The following RASAL3 variants were observed in gnomAD, a reference collection of about 807,000 sequenced individuals.
The protein encoded by RASAL3 is RAS protein activator like-3.
RASAL3 carries 74 observed loss-of-function variants against 105.5 expected under a neutral mutation model. The ratio of observed to expected loss-of-function variants is 0.70; its 90% confidence interval spans 0.58 to 0.85. The LOEUF is 0.85. Among genes scored for constraint, RASAL3 ranks in the 40% least tolerant of loss-of-function variants. The pLI is 0.00. For synonymous variants in RASAL3, 579 were observed against 591.6 expected, an observed-to-expected ratio of 0.98 and a Z score of 0.31; for missense variants, 1,352 against 1,392.0, an observed-to-expected ratio of 0.97 and a Z score of 0.46.
chr19:15,458,821 A>T (rs899817735), intron 6 of RASAL3, among the ~76,000 whole-genome samples, 166 bp from the exon 7 acceptor site: 16 of 127,420 alleles, frequency 1.3e-4, no homozygotes, highest in Non-Finnish European at 1.1e-4. Context: ...TTTAGGATAA[A>T]CTCAACTCCT....
Position 15,461,289 on chromosome 19 carries a change from C to G in RASAL3, c.473G>C (p.Arg158Pro), listed in dbSNP as rs750343840. The G allele has an allele frequency of 6.2e-7, 1 of 1,613,206 alleles. No homozygotes were observed. The highest frequency in any genetic ancestry group is 1.7e-5 in the Admixed American group (1 of 59,930). The change falls in exon 4 of 18, where the codon CGA (arginine) becomes CCA (proline). Residue 158 changes from arginine to proline, a missense_variant. This residue lies in a region of RASAL3 where 344 missense variants were observed against 339.6 expected (regional missense o/e 1.01). Coordinates refer to ENST00000343625, the MANE Select transcript of RASAL3 (RefSeq NM_022904.3). ...VLLGGEEEGP[R>P]RPRVGSASSE... The stretch of plus-strand genomic sequence containing the variant: ...GCTAGCACTTCCCACCCGGGGCCTT[C>G]GAGGACCCTGTTCTCCCGCAGGAGT...
chr19:15,457,887 A>G lies in RASAL3; in HGVS notation c.889-53T>C. On this transcript the variant is annotated intron_variant, in intron 8 of 17. Coordinates refer to ENST00000343625, the MANE Select transcript of RASAL3 (RefSeq NM_022904.3). This position sits in a 1 kb window ranked among gnomAD's most constrained non-coding sequence, Gnocchi z 8.6. ...GCGTTTTGGTTTGTTGGCACCCCAA[A>G]GAAGGCACCGCAAGTGAAGCGTGGA... 6.5e-7 allele frequency: 1 copy of G among 1,536,322 alleles called. No individual in the cohort carries two copies. Among genetic ancestry groups the G allele is most frequent in the Non-Finnish European group, 8.8e-7 (1 of 1,138,986 alleles).
At chr19:15,462,867 C>T (rs375151394) in intron 2 of RASAL3, among the ~76,000 whole-genome samples, 3 of 151,484 alleles carry the variant, frequency 2.0e-5, no homozygotes, top group Non-Finnish European at 2.9e-5. Context: ...AGGAGAATGG[C>T]GTGAACCCAG....
rs1297580475 is a variant in RASAL3 at position 15,456,508 on chromosome 19, T to G, written c.1570A>C (p.Thr524Pro). The change falls in exon 10 of 18, where the codon ACC becomes CCC. Residue 524 changes from threonine to proline, a missense_variant. By Grantham distance (38) the Thr-to-Pro change is conservative. Coordinates refer to ENST00000343625, the MANE Select transcript of RASAL3 (RefSeq NM_022904.3). The surrounding 1 kb of genome is among the most constrained non-coding windows in gnomAD (Gnocchi z 4.4). Reference sequence around the variant, plus strand: ...GGACTCTCCCCCAGCTCACCCAGGGTCTCCTGGAGGTAATCCTGTGCCACG... The same window carrying G: ...GGACTCTCCCCCAGCTCACCCAGGGGCTCCTGGAGGTAATCCTGTGCCACG... ...KLVAQDYLQE[T>P]LGQVVRRLCA... is the part of the protein sequence containing the mutation. 6.2e-7 allele frequency: 1 copy of G among 1,613,594 alleles called. No homozygotes were observed. The highest frequency in any genetic ancestry group is 8.5e-7 in the Non-Finnish European group (1 of 1,179,756).
chr19:15,451,961 G>A (rs753924534), intron 17 of RASAL3, 23 bp from the exon 18 acceptor site: 2 of 1,612,066 alleles, frequency 1.2e-6, no homozygotes, highest in South Asian at 1.1e-5. Flanking sequence ...TGGTGATGGG[G>A]TTCAGAAACC....
chr19:15,458,809 C>T (rs1433502987), intron 6 of RASAL3, among the ~76,000 whole-genome samples, 154 bp from the exon 7 acceptor site: 1 of 145,378 alleles, frequency 6.9e-6, no homozygotes, highest in Non-Finnish European at 1.5e-5. Context: ...CACCTCCTTG[C>T]TTTTAGGATA....
rs2145450206 is a variant in RASAL3 at position 15,453,155 on chromosome 19, C to A, written c.2622G>T (p.Gln874His). ...CCAGTGCCTGGTTTCGGTCTTGCGG[C>A]TGGTCCATTTGGCGCTGCCAGGGTA... ...PSVPWQRQMD[Q>H]PQDRNQALGT... is the part of the protein sequence containing the mutation. The change falls in exon 15 of 18, where the codon CAG becomes CAT. Residue 874 changes from glutamine to histidine, a missense_variant. Transcript: ENST00000343625. The surrounding 1 kb of genome is among the most constrained non-coding windows in gnomAD (Gnocchi z 4.2). 2 of 1,613,644 alleles carry A rather than the reference C, an allele frequency of 1.2e-6. No individual in the cohort carries two copies. Among genetic ancestry groups the A allele is most frequent in the East Asian group, 4.5e-5 (2 of 44,872 alleles).
In RASAL3 at chr19:15,456,833, C is replaced by G; in HGVS notation, c.1432-187G>C. ...CTAACCCTCACAGCAGAAATTTAAG[C>G]CTTTCAGCGCTGAGGTGCAACCTGG... On this transcript the variant is annotated intron_variant, in intron 9 of 17. Transcript: ENST00000343625. This position sits in a 1 kb window ranked among gnomAD's most constrained non-coding sequence, Gnocchi z 4.4. The G allele has an allele frequency of 1.4e-6, 1 of 716,290 alleles. No individual in the cohort carries two copies. The highest frequency in any genetic ancestry group is 2.3e-6 in the Non-Finnish European group (1 of 443,026). 44.4% of individuals were successfully genotyped at this position (716,290 alleles called of 1,614,324 possible).
In RASAL3 at chr19:15,457,531, C is replaced by G. The variant is rs1970363776; in HGVS notation, c.1192G>C (p.Ala398Pro). The G allele has an allele frequency of 2.5e-5, 28 of 1,129,316 alleles. No homozygotes were observed. Among genetic ancestry groups the G allele is most frequent in the Non-Finnish European group, 2.7e-5 (25 of 920,712 alleles). 70.0% of individuals were successfully genotyped at this position (1,129,316 alleles called of 1,614,324 possible). A position where few individuals can be genotyped will look rare whatever the true frequency, so the allele number is the denominator to read the frequency against. The change falls in exon 9 of 18, where the codon GCC becomes CCC. Residue 398 changes from alanine to proline, a missense_variant. Transcript: ENST00000343625. The surrounding 1 kb of genome is among the most constrained non-coding windows in gnomAD (Gnocchi z 8.6). The part of the protein sequence containing the change: ...EELDAPRAPA[A>P]GLERWFPLLG... Reference sequence around the variant, plus strand: ...AGCGGGAACCAGCGCTCCAGACCGGCGGCAGGCGCGCGTGGGGCGTCCAGC... The same window carrying G: ...AGCGGGAACCAGCGCTCCAGACCGGGGGCAGGCGCGCGTGGGGCGTCCAGC...
At chr19:15,458,780 C>T (rs1402998653) in intron 6 of RASAL3, 125 bp from the exon 7 acceptor site, 3 of 1,080,672 alleles carry the variant, frequency 2.8e-6, no homozygotes, top group African/African-American at 2.1e-5. Flanking sequence ...CCCCGTGCCC[C>T]CCCCACCCCC....
chr19:15,457,209 A>G lies in RASAL3; in HGVS notation c.1431+83T>C. ...GTCTCCCCCATTACAGGTGCAACTC[A>G]GGTCCTGCGCCCCAACTCCTGCCCG... On this transcript the variant is annotated intron_variant, in intron 9 of 17. Transcript: ENST00000343625. The surrounding 1 kb of genome is among the most constrained non-coding windows in gnomAD (Gnocchi z 8.6). The G allele has an allele frequency of 8.9e-7, 1 of 1,126,840 alleles. No individual in the cohort carries two copies. Among genetic ancestry groups the G allele is most frequent in the Non-Finnish European group, 1.1e-6 (1 of 889,152 alleles). The allele number at this position is 1,126,840 out of a possible 1,614,324, so 69.8% of individuals were successfully genotyped here.
Position 15,463,960 on chromosome 19 carries a change from C to T in RASAL3, c.328+71G>A, listed in dbSNP as rs1970589160. The stretch of plus-strand genomic sequence containing the variant: ...TTCCTGTGTCTGTATGGTTGATGCT[C>T]CGGAGGCAGACAAAACCCAAGCATC... On this transcript the variant is annotated intron_variant, in intron 2 of 17. Transcript: ENST00000343625. 2.2e-5 allele frequency: 30 copies of T among 1,382,514 alleles called. No individual in the cohort carries two copies. The South Asian group carries it at 3.9e-4, about 18-fold the overall frequency. The allele number at this position is 1,382,514 out of a possible 1,614,324, so 85.6% of individuals were successfully genotyped here. A position where few individuals can be genotyped will look rare whatever the true frequency, so the allele number is the denominator to read the frequency against.
At position 15,456,581 on chromosome 19, in the gene RASAL3, G is replaced by T; in HGVS notation, c.1497C>A (p.Phe499Leu). Residue 499 changes from phenylalanine (F) to leucine (L), a missense_variant, in exon 10 of 18, where the codon TTC (phenylalanine) becomes TTA (leucine). Around this residue, in one of 3 missense-constraint regions of RASAL3, gnomAD observed 920 missense variants for 919.6 expected, o/e 1.00. Transcript: ENST00000343625. The surrounding 1 kb of genome is among the most constrained non-coding windows in gnomAD (Gnocchi z 4.4). ...ARCGGREALL[F>L]RENTLATKAI... The stretch of plus-strand genomic sequence containing the variant: ...CCTTGGTGGCCAATGTGTTTTCCCG[G>T]AACAGCAGCGCCTCACGGCCTCCAC... The T allele has an allele frequency of 6.2e-7, 1 of 1,613,698 alleles. No homozygotes were observed. Among genetic ancestry groups the T allele is most frequent in the Non-Finnish European group, 8.5e-7 (1 of 1,179,790 alleles).
In RASAL3 at chr19:15,454,260, C is replaced by T. The variant is rs201283291; in HGVS notation, c.2168G>A (p.Arg723Gln). Residue 723 changes from arginine (R) to glutamine (Q), a missense_variant, in exon 14 of 18, where the codon CGA becomes CAA. Physicochemically the swap from Arg to Gln is conservative, Grantham distance 43. This residue lies in a region of RASAL3 where 920 missense variants were observed against 919.6 expected (regional missense o/e 1.00). Transcript: ENST00000343625. The part of the protein sequence containing the change: ...TIFAELDQTT[R>Q]DTLEPLPTIL... ...GGTGGGCAGTGGTTCCAGGGTGTCT[C>T]GGGTTGTCTGGTGAGGCATGCAGGA... 1.3e-5 allele frequency: 21 copies of T among 1,564,326 alleles called. No homozygotes were observed. The highest frequency in any genetic ancestry group is 1.7e-4 in the Middle Eastern group (1 of 6,002).
In RASAL3 at chr19:15,464,059, T is replaced by C. The variant is rs759115208; in HGVS notation, c.300A>G (p.Pro100=). ...WGRHKNPPPE[P]DPEPEQEAPE... ...GGGCCTCCTGCTCCGGCTCCGGGTC[T>C]GGCTCCGGCGGTGGGTTCTTATGCC... Residue 100 remains proline, a synonymous_variant, in exon 2 of 18, where the codon CCA becomes CCG. Coordinates refer to ENST00000343625, the MANE Select transcript of RASAL3 (RefSeq NM_022904.3). 7.6e-6 allele frequency: 12 copies of C among 1,581,364 alleles called. No homozygotes were observed. The South Asian group carries it at 1.2e-4, about 16-fold the overall frequency.
In RASAL3 at chr19:15,453,436, G is replaced by A; in HGVS notation, c.2341C>T (p.Leu781Phe). Residue 781 changes from leucine to phenylalanine, a missense_variant, in exon 15 of 18, where the codon CTC becomes TTC. This residue lies in a region of RASAL3 where 920 missense variants were observed against 919.6 expected (regional missense o/e 1.00). Coordinates refer to ENST00000343625, the MANE Select transcript of RASAL3 (RefSeq NM_022904.3). The surrounding 1 kb of genome is among the most constrained non-coding windows in gnomAD (Gnocchi z 4.2). The part of the protein sequence containing the change: ...APRDLPKHTP[L>F]ISKSQSLRSV... Reference sequence around the variant, plus strand: ...CGCAGAGACTGGCTCTTGGAGATGAGAGGGGTGTGCTTGGGGAGGTCCCGG... The same window carrying A: ...CGCAGAGACTGGCTCTTGGAGATGAAAGGGGTGTGCTTGGGGAGGTCCCGG... The A allele has an allele frequency of 1.9e-6, 3 of 1,540,334 alleles. No homozygotes were observed. Among genetic ancestry groups the A allele is most frequent in the Non-Finnish European group, 2.6e-6 (3 of 1,155,054 alleles).
At position 15,458,598 on chromosome 19, in the gene RASAL3, C is replaced by G. The variant is rs1970406073; in HGVS notation, c.720G>C (p.Leu240=). 3 of 1,613,658 alleles carry G rather than the reference C, an allele frequency of 1.9e-6. No individual in the cohort carries two copies. The highest frequency in any genetic ancestry group is 2.7e-5 in the African/African-American group (2 of 75,028). ...AGATCCGCACATCCCGCTCGGCACC[C>G]AGGTCCAGTTCAGAGAGTGTGGCCA... ...ESLATLSELD[L]GAERDVRIWP... Residue 240 remains leucine (L), a synonymous_variant, in exon 7 of 18, where the codon CTG becomes CTC. Coordinates refer to ENST00000343625, the MANE Select transcript of RASAL3 (RefSeq NM_022904.3).
In RASAL3 at chr19:15,453,224, CCGGGCGCGGGGCGCTGGTCCCATGCT is replaced by C; in HGVS notation, c.2527_2552del (p.Ser843AlafsTer52). On this transcript the variant is annotated frameshift_variant, in exon 15 of 18. Coordinates refer to ENST00000343625, the MANE Select transcript of RASAL3 (RefSeq NM_022904.3). LOFTEE classifies it high-confidence loss of function. The surrounding 1 kb of genome is among the most constrained non-coding windows in gnomAD (Gnocchi z 4.2). ...GCGAGGCGGAGTCCCGGGTCCAAGG[CCGGGCGCGGGGCGCTGGTCCCATGCT>C]CAGGGAGCCTTTGGGTCGCGGCCAG... The C allele has an allele frequency of 1.2e-6, 2 of 1,603,794 alleles. No homozygotes were observed. The highest frequency in any genetic ancestry group is 1.7e-6 in the Non-Finnish European group (2 of 1,176,096).
rs759161243 is a variant in RASAL3, at chr19:15,451,853, C to T, written c.2978G>A (p.Gly993Glu). 1.9e-6 allele frequency: 3 copies of T among 1,608,636 alleles called. No individual in the cohort carries two copies. The highest frequency in any genetic ancestry group is 1.7e-6 in the Non-Finnish European group (2 of 1,175,950). ...GAGGGGCTGGGGTTGACTCCAAGAC[C>T]CCCGCGTCCTTGGAGAAAGCTGCAG... ...QSLQLSPRTR[G>E]SWSQPQPLKA... Residue 993 changes from glycine (G) to glutamate (E), a missense_variant, in exon 18 of 18, where the codon GGG (glycine) becomes GAG (glutamate). Coordinates refer to ENST00000343625, the MANE Select transcript of RASAL3 (RefSeq NM_022904.3).
Sources: allele counts gnomAD v4.1 joint callset (sites outside exome capture counted in the v4.1 genomes callset), GRCh38; gene constraint gnomAD v4.1.1; regional missense constraint gnomAD v4.1.1; non-coding constraint Gnocchi (gnomAD v3.1); transcripts MANE v1.5; gene names NCBI Gene and HGNC (gene_info 2026-07-23, HGNC 2026-07-21).